GLI2: variants seen among roughly 807,000 people sequenced by gnomAD.
GLI2 encodes the protein transcription activator GLI2.
In GLI2, 22 loss-of-function variants were observed where a neutral mutation model predicts 78.9. The observed-to-expected ratio is 0.28, with a 90% CI of 0.20 to 0.40. The LOEUF (loss-of-function observed/expected upper bound fraction) is 0.40, where lower values mean the gene tolerates loss of function less well. Among genes scored for constraint, GLI2 ranks in the 10% least tolerant of loss-of-function variants. The pLI, the probability that GLI2 is intolerant of heterozygous loss-of-function variation, is 1.00. For missense variants in GLI2, 2,097 were observed against 2,213.2 expected, an observed-to-expected ratio of 0.95 and a Z score of 1.05; for synonymous variants, 974 against 963.7, an observed-to-expected ratio of 1.01 and a Z score of -0.20.
chr2:120,942,947 CTCAT>C (rs1228819697), intron 3 of GLI2, among the ~76,000 whole-genome samples: 19 of 144,066 alleles, frequency 1.3e-4, no homozygotes, highest in East Asian at 1.2e-3. Context: ...CCCTCACTCA[CTCAT>C]TCATTCATTC....
rs61528515 is a variant in GLI2, at chr2:120,797,611, G to A, written c.148+143G>A. The A allele has an allele frequency of 1.1e-3, 860 of 774,714 alleles. 9 individuals carry two copies. The African/African-American group carries it at 0.013, about 12-fold the overall frequency. 48.0% of individuals were successfully genotyped at this position (774,714 alleles called of 1,614,324 possible). On this transcript the variant is annotated intron_variant, in intron 2 of 13. Coordinates refer to ENST00000361492, the MANE Select transcript of GLI2 (RefSeq NM_001374353.1). ...AAGAGGAAGGCACCTCTGCTCCCAG[G>A]AATCCCAGGCACCATGAAGGTCACC...
At chr2:120,958,117 T>C (rs1681365884) in intron 5 of GLI2, among the ~76,000 whole-genome samples, 1 of 152,060 alleles carries the variant, frequency 6.6e-6, no homozygotes, top group African/African-American at 2.4e-5. Flanking sequence ...CTGCACGGTG[T>C]CCTCCCTGTG....
rs142793481 is a variant in GLI2 at position 120,968,790 on chromosome 2, C to T, written c.720C>T (p.Asp240=). The stretch of plus-strand genomic sequence containing the variant: ...CGCTGTCCATCTCCCCACTCTCAGA[C>T]GCCAGCCTGGACCTGCAGCGGATGA... ...KRALSISPLS[D]ASLDLQRMIR... The change falls in exon 6 of 14, where the codon GAC becomes GAT. Residue 240 remains aspartate, a synonymous_variant. Transcript: ENST00000361492. The T allele has an allele frequency of 6.3e-3, 10,148 of 1,613,764 alleles. 54 individuals carry two copies. Among genetic ancestry groups the T allele is most frequent in the Middle Eastern group, 0.01 (63 of 6,062 alleles).
At chr2:120,896,064 G>C (rs1434958766) in intron 2 of GLI2, among the ~76,000 whole-genome samples, 1 of 152,156 alleles carries the variant, frequency 6.6e-6, no homozygotes, top group South Asian at 2.1e-4. Flanking sequence ...AAGGTTCTAG[G>C]GTTGTGATTC....
At chr2:120,765,648 G>A (rs1477719005) in intron 1 of GLI2, among the ~76,000 whole-genome samples, 4 of 152,208 alleles carry the variant, frequency 2.6e-5, no homozygotes, top group Admixed American at 1.3e-4. Flanking sequence ...TGGAGCTGAC[G>A]CCCCCTCCAT....
At chr2:120,910,188 C>T (rs1207570274) in intron 2 of GLI2, among the ~76,000 whole-genome samples, 1 of 152,188 alleles carries the variant, frequency 6.6e-6, no homozygotes, top group African/African-American at 2.4e-5. Flanking sequence ...CTATGTCCAT[C>T]CCACAACTTA....
At chr2:120,942,319 A>AC (rs1283551495) in intron 3 of GLI2, among the ~76,000 whole-genome samples, 1 of 151,940 alleles carries the variant, frequency 6.6e-6, no homozygotes, top group Non-Finnish European at 1.5e-5. Context: ...ACCCTCAGAG[A>AC]CCCCCAGGGG....
At chr2:120,884,435 C>T (rs919805690) in intron 2 of GLI2, among the ~76,000 whole-genome samples, 1 of 152,202 alleles carries the variant, frequency 6.6e-6, no homozygotes, top group East Asian at 1.9e-4. Context: ...GAGTCCCTCA[C>T]CTCCCTGGCC....
In GLI2 at chr2:120,984,661, C is replaced by G. The variant is rs1459325913; in HGVS notation, c.1823C>G (p.Pro608Arg). The G allele has an allele frequency of 3.1e-6, 5 of 1,613,926 alleles. No individual in the cohort carries two copies. In the Admixed American group the frequency reaches 8.3e-5, roughly 27 times the overall value. ...GAGGCCGGCACGGAGCCTGGCGGCC[C>G]AGAGAGCACCGAGGCCAGCAGCACC... ...DSEAGTEPGG[P>R]ESTEASSTSQ... The change falls in exon 12 of 14, where the codon CCA becomes CGA. Residue 608 changes from proline (P) to arginine (R), a missense_variant. By Grantham distance (103) the Pro-to-Arg change is moderately radical. Around this residue, in one of 5 missense-constraint regions of GLI2, gnomAD observed 57 missense variants for 44.5 expected, o/e 1.28. Transcript: ENST00000361492.
At position 120,988,536 on chromosome 2, in the gene GLI2, C is replaced by T. The variant is rs757164059; in HGVS notation, c.2571C>T (p.Gly857=). The T allele has an allele frequency of 8.0e-6, 12 of 1,503,484 alleles. No individual in the cohort carries two copies. Among genetic ancestry groups the T allele is most frequent in the Non-Finnish European group, 9.7e-6 (11 of 1,133,524 alleles). 93.1% of individuals were successfully genotyped at this position (1,503,484 alleles called of 1,614,324 possible). The change falls in exon 14 of 14, where the codon GGC becomes GGT. Residue 857 remains glycine, a synonymous_variant. Coordinates refer to ENST00000361492, the MANE Select transcript of GLI2 (RefSeq NM_001374353.1). ...RRSSEASQCS[G]GSGLLNLTPA... ...CGAGCGAGGCCAGCCAGTGCAGCGG[C>T]GGCTCCGGGCTGCTCAACCTCACGC...
chr2:120,910,835 A>G (rs1034703745), intron 2 of GLI2, among the ~76,000 whole-genome samples: 1 of 152,226 alleles, frequency 6.6e-6, no homozygotes, highest in Non-Finnish European at 1.5e-5. Context: ...CAGCACTTAG[A>G]TGCCGCTGCA....
chr2:120,862,667 T>C (rs185509359), intron 2 of GLI2, among the ~76,000 whole-genome samples: 1 of 152,136 alleles, frequency 6.6e-6, no homozygotes, highest in Admixed American at 6.5e-5. Flanking sequence ...TTCTCAGATC[T>C]TTGAGGAAAT....
intron 2 of GLI2, among the ~76,000 whole-genome samples, chr2:120,803,781 C>A (rs1488020334): frequency 6.6e-6 from 1 of 152,210 alleles, no homozygotes; most frequent in African/African-American, 2.4e-5. Flanking sequence ...GGGTCCAGGG[C>A]AGCCCCTGGG....
At position 120,743,419 on chromosome 2, in the gene GLI2, C is replaced by G. The variant is rs184905889; in HGVS notation, c.-31+7134C>G. Among the ~76,000 whole-genome samples the G allele has an allele frequency of 3.6e-3, 554 of 152,120 alleles. 4 individuals carry two copies. Among genetic ancestry groups the G allele is most frequent in the African/African-American group, 0.013 (534 of 41,498 alleles). On this transcript the variant is annotated intron_variant, in intron 1 of 13. Coordinates refer to ENST00000361492, the MANE Select transcript of GLI2 (RefSeq NM_001374353.1). ...AGGAGTTCGAGGCCAGCCTGGGCAA[C>G]ATAGCGATACCCTGTCTCTACAAAA...
At chr2:120,776,867 C>T (rs1683690997) in intron 1 of GLI2, among the ~76,000 whole-genome samples, 1 of 152,196 alleles carries the variant, frequency 6.6e-6, no homozygotes, top group African/African-American at 2.4e-5. Context: ...CCTGTGAGTG[C>T]AGCGTGTAGA....
chr2:120,748,243 A>G (rs889222940), intron 1 of GLI2, among the ~76,000 whole-genome samples: 4 of 152,196 alleles, frequency 2.6e-5, no homozygotes, highest in East Asian at 3.8e-4. Context: ...CCACTTCACA[A>G]TGAATTTTGT....
chr2:120,759,877 AC>A (rs1195670030), intron 1 of GLI2, among the ~76,000 whole-genome samples: 1 of 152,176 alleles, frequency 6.6e-6, no homozygotes, highest in African/African-American at 2.4e-5. Context: ...ACAAAAAGAC[AC>A]CCATTTCTCT....
intron 2 of GLI2, among the ~76,000 whole-genome samples, chr2:120,886,077 G>A (rs1677379198): frequency 6.6e-6 from 1 of 151,944 alleles, no homozygotes. Context: ...GTAAATTTGT[G>A]TGTGTGTGTG....
At chr2:120,957,457 C>T (rs150798078) in intron 5 of GLI2, among the ~76,000 whole-genome samples, 30 of 152,354 alleles carry the variant, frequency 2.0e-4, no homozygotes, top group Non-Finnish European at 4.0e-4. Flanking sequence ...GTGCTAGACA[C>T]GCTCCTTGCC....
Sources: gnomAD v4.1 joint callset for allele counts (sites outside exome capture counted in the v4.1 genomes callset) on GRCh38, gnomAD v4.1.1 for gene constraint, gnomAD v4.1.1 regional missense constraint, MANE v1.5 for transcripts, NCBI Gene and HGNC (gene_info 2026-07-23, HGNC 2026-07-21) for gene names.